Variants in KCNMA1 observed in about 807,000 individuals in gnomAD.
The protein encoded by KCNMA1 is Calcium-activated potassium channel subunit alpha-1.
In KCNMA1, 29 loss-of-function variants were observed where a neutral mutation model predicts 140.0. That is an observed-to-expected ratio of 0.21 (90% CI 0.15 to 0.28). KCNMA1 has a LOEUF of 0.28. Ranked by LOEUF, KCNMA1 falls within the 10% of genes least tolerant of loss-of-function variation. The probability of loss-of-function intolerance (pLI) is 1.00; values close to 1 mark genes in which losing one functional copy is unlikely to be tolerated. For missense variants in KCNMA1, 880 were observed against 1,602.2 expected, an observed-to-expected ratio of 0.55 and a Z score of 7.70; for synonymous variants, 612 against 611.9, an observed-to-expected ratio of 1.00 and a Z score of 0.00.
rs543709576 is a variant in KCNMA1 at position 76,887,359 on chromosome 10, A to G, written c.3618T>C (p.Val1206=). Residue 1206 remains valine, a synonymous_variant, in exon 28 of 28, where the codon GTT becomes GTC. Coordinates refer to ENST00000286628, the MANE Select transcript of KCNMA1 (RefSeq NM_001161352.2). The part of the protein sequence containing the change: ...SQSSSKKSSS[V]HSIPSTANRQ... ...GGTTTGCTGTGGATGGGATGGAGTG[A>G]ACAGAGGAGCTCTTCTTGCTGGAGG... 2 of 1,614,090 alleles carry G rather than the reference A, an allele frequency of 1.2e-6. No individual in the cohort carries two copies. Among genetic ancestry groups the G allele is most frequent in the South Asian group, 2.2e-5 (2 of 91,076 alleles).
chr10:77,410,687 C>T (rs1051130583), intron 1 of KCNMA1, among the ~76,000 whole-genome samples: 51 of 152,344 alleles, frequency 3.3e-4, no homozygotes, highest in South Asian at 4.1e-4. Flanking sequence ...TGTCATCCTG[C>T]GAGTCTGCCG....
intron 1 of KCNMA1, among the ~76,000 whole-genome samples, chr10:77,563,337 C>A (rs2067034469): frequency 6.6e-6 from 1 of 150,510 alleles, no homozygotes; most frequent in Non-Finnish European, 1.5e-5. Context: ...GCATAGAATT[C>A]TCAAATGTTT....
rs527345546 is a variant in KCNMA1 at position 77,576,018 on chromosome 10, G to A, written c.378+61247C>T. ...CATGTTTCTAGCCTTAGGCTTCTCA[G>A]CCATGGATTGGGGAGAATGGCTCCT... On this transcript the variant is annotated intron_variant, in intron 1 of 27. Transcript: ENST00000286628. Among the ~76,000 whole-genome samples the A allele has an allele frequency of 9.2e-5, 14 of 152,360 alleles. No individual in the cohort carries two copies. The East Asian group carries it at 2.7e-3, about 29-fold the overall frequency.
chr10:77,048,377 A>C (rs1565770483), intron 14 of KCNMA1, among the ~76,000 whole-genome samples: 3 of 152,186 alleles, frequency 2.0e-5, no homozygotes, highest in South Asian at 4.1e-4. Flanking sequence ...TCTGTCTTAA[A>C]AATCTGACTT....
intron 2 of KCNMA1, among the ~76,000 whole-genome samples, chr10:77,279,869 T>C (rs1601046558): frequency 6.6e-6 from 1 of 152,210 alleles, no homozygotes; most frequent in Admixed American, 6.5e-5. Flanking sequence ...GACTTGCCTT[T>C]TGCTTTCTGT....
intron 2 of KCNMA1, among the ~76,000 whole-genome samples, chr10:77,312,506 A>G (rs2079587851): frequency 6.6e-6 from 1 of 152,206 alleles, no homozygotes; most frequent in Admixed American, 6.5e-5. Context: ...CACATTTGTA[A>G]TCCCAGCTAC....
chr10:76,906,291 C>T (rs752226945), intron 25 of KCNMA1, among the ~76,000 whole-genome samples: 19 of 152,168 alleles, frequency 1.2e-4, no homozygotes, highest in Admixed American at 8.5e-4. Context: ...TCACCTGGTG[C>T]GACTGTGTGC....
chr10:77,286,227 T>A (rs979298410), intron 2 of KCNMA1, among the ~76,000 whole-genome samples: 3 of 152,178 alleles, frequency 2.0e-5, no homozygotes, highest in African/African-American at 7.2e-5. Flanking sequence ...AAGGTAATTC[T>A]AAACATACAG....
intron 1 of KCNMA1, among the ~76,000 whole-genome samples, chr10:77,556,353 A>G (rs958394530): frequency 6.6e-6 from 1 of 151,820 alleles, no homozygotes; most frequent in African/African-American, 2.4e-5. Flanking sequence ...GAAAATACAA[A>G]AACTAGCCAG....
rs771793413 is a variant in KCNMA1, at chr10:77,298,935, C to T, written c.541-47679G>A. 3.9e-5 allele frequency among the ~76,000 whole-genome samples: 6 copies of T among 152,186 alleles called. No individual in the cohort carries two copies. The South Asian group carries it at 6.2e-4, about 16-fold the overall frequency. ...CTGCCCTGAACATTCATGGGACCTG[C>T]GCCCCAGAGCATCAGATGGGCCTCT... is the stretch of plus-strand genomic sequence containing the variant. On this transcript the variant is annotated intron_variant, in intron 2 of 27. Transcript: ENST00000286628.
At chr10:77,210,136 C>T (rs998092551) in intron 3 of KCNMA1, among the ~76,000 whole-genome samples, 1 of 152,078 alleles carries the variant, frequency 6.6e-6, no homozygotes, top group Non-Finnish European at 1.5e-5. Flanking sequence ...GGCCAATATC[C>T]CTGATGAACA....
chr10:77,170,188 C>A (rs1044227998), intron 5 of KCNMA1, among the ~76,000 whole-genome samples: 1 of 152,026 alleles, frequency 6.6e-6, no homozygotes, highest in Admixed American at 6.6e-5. Context: ...AAGACCCAAT[C>A]TAAAAAATAA....
chr10:77,095,850 T>G (rs2096918848), intron 9 of KCNMA1, among the ~76,000 whole-genome samples: 1 of 152,108 alleles, frequency 6.6e-6, no homozygotes, highest in Non-Finnish European at 1.5e-5. Flanking sequence ...GGAAGTGACT[T>G]AAGGCAGAAG....
At chr10:77,435,927 A>G (rs1410899297) in intron 1 of KCNMA1, among the ~76,000 whole-genome samples, 2 of 152,210 alleles carry the variant, frequency 1.3e-5, no homozygotes, top group African/African-American at 4.8e-5. Flanking sequence ...TGGGACCCAG[A>G]TGCCTATGAA....
chr10:77,102,952 A>G (rs2097131142), intron 9 of KCNMA1, among the ~76,000 whole-genome samples: 1 of 152,160 alleles, frequency 6.6e-6, no homozygotes, highest in African/African-American at 2.4e-5. Flanking sequence ...CTGAGCACCC[A>G]ACAAAACCCA....
intron 23 of KCNMA1, among the ~76,000 whole-genome samples, chr10:76,920,020 G>GTGTGTGTGTGTGTGTGTATATATATA (rs1177257916): frequency 5.8e-5 from 2 of 34,432 alleles, no homozygotes; most frequent in African/African-American, 2.1e-4. Flanking sequence ...GTGTGTGTGT[G>GTGTGTGTGTGTGTGTGTATATATATA]TATATATATA....
chr10:77,349,449 C>A (rs2092605059), intron 2 of KCNMA1, among the ~76,000 whole-genome samples: 1 of 152,146 alleles, frequency 6.6e-6, no homozygotes, highest in African/African-American at 2.4e-5. Flanking sequence ...ATTCCTCCAT[C>A]CTCCCATCGA....
intron 1 of KCNMA1, among the ~76,000 whole-genome samples, chr10:77,483,968 AG>A (rs2098433445): frequency 6.6e-6 from 1 of 152,208 alleles, no homozygotes; most frequent in South Asian, 2.1e-4. Context: ...ATGGAACCAC[AG>A]GGGAAGTAAG....
intron 1 of KCNMA1, among the ~76,000 whole-genome samples, chr10:77,511,821 T>C (rs2048524777): frequency 1.3e-5 from 2 of 152,148 alleles, no homozygotes; most frequent in South Asian, 2.1e-4. Flanking sequence ...AAGAAAATCA[T>C]AGGTCAAGAA....
Sources: allele counts gnomAD v4.1 joint callset (sites outside exome capture counted in the v4.1 genomes callset), GRCh38; gene constraint gnomAD v4.1.1; transcripts MANE v1.5; gene names NCBI Gene and HGNC (gene_info 2026-07-23, HGNC 2026-07-21).